HOOK3: variants seen among roughly 807,000 people sequenced by gnomAD.
HOOK3 encodes the protein hook microtubule tethering protein 3, also known as protein Hook homolog 3.
In HOOK3, 24 loss-of-function variants were observed where a neutral mutation model predicts 116.3. The ratio of observed to expected loss-of-function variants is 0.21; its 90% CI spans 0.15 to 0.29. The LOEUF is 0.29. Among genes scored for constraint, HOOK3 ranks in the 10% least tolerant of loss-of-function variants. HOOK3 has a pLI of 1.00. For missense variants in HOOK3, 632 were observed against 830.2 expected, an observed-to-expected ratio of 0.76 and a Z score of 2.93; for synonymous variants, 275 against 283.0, an observed-to-expected ratio of 0.97 and a Z score of 0.28.
chr8:42,994,266 T>C (rs375902241), intron 15 of HOOK3, among the ~76,000 whole-genome samples: 2 of 151,660 alleles, frequency 1.3e-5, no homozygotes, highest in Admixed American at 6.6e-5. Flanking sequence ...TCCACCCACA[T>C]TGGCCTCCCA....
At chr8:42,987,765 G>A (rs764279086) in intron 15 of HOOK3, among the ~76,000 whole-genome samples, 16 of 152,086 alleles carry the variant, frequency 1.1e-4, no homozygotes, top group Non-Finnish European at 1.8e-4. Flanking sequence ...ATATTTTGTT[G>A]TGACTGTCTT....
At chr8:42,915,382 A>C (rs1807510788) in intron 2 of HOOK3, among the ~76,000 whole-genome samples, 1 of 152,126 alleles carries the variant, frequency 6.6e-6, no homozygotes, top group South Asian at 2.1e-4. Context: ...AACAAGACCC[A>C]AAAAACCTGC....
chr8:42,970,919 C>G (rs1808716075), intron 11 of HOOK3, among the ~76,000 whole-genome samples: 1 of 151,302 alleles, frequency 6.6e-6, no homozygotes, highest in African/African-American at 2.4e-5. Context: ...TGCCAAATAG[C>G]TAGGACCACA....
intron 21 of HOOK3, among the ~76,000 whole-genome samples, chr8:43,017,494 AG>A (rs1400044592): frequency 1.3e-5 from 2 of 152,038 alleles, no homozygotes; most frequent in Middle Eastern, 3.2e-3. Flanking sequence ...TTGAGCTTCT[AG>A]CCTCAAGTGA....
chr8:42,986,632 T>C, intron 14 of HOOK3, 23 bp from the exon 15 acceptor site: 1 of 1,588,140 alleles, frequency 6.3e-7, no homozygotes, highest in Non-Finnish European at 8.6e-7. Context: ...ATATAATATT[T>C]AGTTTTTATT....
chr8:43,022,051 AT>A lies in HOOK3; in HGVS notation c.*3557del, dbSNP rs1809839699. On this transcript the variant is annotated 3_prime_UTR_variant, in exon 22 of 22. Transcript: ENST00000307602. ...CATAGGAGAAATTATATTTCTAAAC[AT>A]TTTATGATGTTTAAAAACAAAACAG... The A allele has an allele frequency of 1.1e-5, 2 of 189,050 alleles. No individual in the cohort carries two copies. Among genetic ancestry groups the A allele is most frequent in the Admixed American group, 1.2e-4 (2 of 16,048 alleles). The allele number at this position is 189,050 out of a possible 1,614,324, so 11.7% of individuals were successfully genotyped here.
intron 2 of HOOK3, among the ~76,000 whole-genome samples, chr8:42,923,804 C>A (rs369124990): frequency 6.6e-6 from 1 of 152,064 alleles, no homozygotes; most frequent in Non-Finnish European, 1.5e-5. Flanking sequence ...TAAATTGTGT[C>A]GTGAGTTATT....
At chr8:42,934,117 T>G (rs1807921038) in intron 4 of HOOK3, among the ~76,000 whole-genome samples, 1 of 152,052 alleles carries the variant, frequency 6.6e-6, no homozygotes, top group Admixed American at 6.5e-5. Flanking sequence ...ATCCTCTTTC[T>G]GAACTATTTA....
At chr8:42,917,978 G>T (rs542078166) in intron 2 of HOOK3, among the ~76,000 whole-genome samples, 83 of 152,306 alleles carry the variant, frequency 5.4e-4, no homozygotes, top group Non-Finnish European at 9.7e-4. Context: ...TCATGCCTAA[G>T]AATCAATGTA....
chr8:43,009,057 G>A (rs940873111), intron 18 of HOOK3, among the ~76,000 whole-genome samples: 21 of 152,052 alleles, frequency 1.4e-4, no homozygotes, highest in Non-Finnish European at 1.3e-4. Context: ...GATTGCTTGA[G>A]CCCAGGAGTT....
At chr8:42,922,136 G>A (rs1207861213) in intron 2 of HOOK3, among the ~76,000 whole-genome samples, 3 of 152,200 alleles carry the variant, frequency 2.0e-5, no homozygotes, top group African/African-American at 7.2e-5. Flanking sequence ...GCTAAGTTAT[G>A]TAAAACTTTT....
At chr8:42,996,467 T>G (rs1036015517) in intron 15 of HOOK3, among the ~76,000 whole-genome samples, 1 of 152,062 alleles carries the variant, frequency 6.6e-6, no homozygotes, top group South Asian at 2.1e-4. Flanking sequence ...TTATCTGAGT[T>G]GTTCCAGTTT....
chr8:42,997,890 A>G, intron 16 of HOOK3: 2 of 372,938 alleles, frequency 5.4e-6, no homozygotes, highest in South Asian at 4.9e-5. Context: ...TTGAGGCTTT[A>G]TGTTTTAAAT....
rs1329633371 is a variant in HOOK3, at chr8:43,019,526, T to C, written c.*1028T>C. 4.9e-6 allele frequency: 1 copy of C among 203,806 alleles called. No homozygotes were observed. Among genetic ancestry groups the C allele is most frequent in the Non-Finnish European group, 1.0e-5 (1 of 99,642 alleles). The allele number at this position is 203,806 out of a possible 1,614,324, so 12.6% of individuals were successfully genotyped here. ...TCACTAACATTAGTAACTTCTTGTA[T>C]GTTATATTATGGCAGATCTCTTTAC... is the stretch of plus-strand genomic sequence containing the variant. On this transcript the variant is annotated 3_prime_UTR_variant, in exon 22 of 22. Transcript: ENST00000307602.
chr8:42,919,428 G>A (rs371957168), intron 2 of HOOK3, among the ~76,000 whole-genome samples: 3 of 148,792 alleles, frequency 2.0e-5, no homozygotes, highest in South Asian at 4.3e-4. Flanking sequence ...GACGATGGGC[G>A]GCTGGGCAGA....
intron 16 of HOOK3, among the ~76,000 whole-genome samples, chr8:43,001,388 GAATT>G (rs1483803842): frequency 1.3e-5 from 2 of 151,908 alleles, no homozygotes; most frequent in East Asian, 3.9e-4. Context: ...GGTTTTGACT[GAATT>G]AATTATATAA....
chr8:42,982,812 G>A, intron 14 of HOOK3, 116 bp downstream of exon 14: 1 of 686,080 alleles, frequency 1.5e-6, no homozygotes, highest in Non-Finnish European at 2.5e-6. Flanking sequence ...CTTTCAACAT[G>A]AACTCAGTGT....
At chr8:42,975,626 G>A (rs533520212) in intron 13 of HOOK3, among the ~76,000 whole-genome samples, 44 of 152,314 alleles carry the variant, frequency 2.9e-4, no homozygotes, top group African/African-American at 1.0e-3. Context: ...TCCAGCTATC[G>A]AATTAGATGA....
intron 18 of HOOK3, among the ~76,000 whole-genome samples, chr8:43,008,698 C>T (rs1431235184): frequency 2.1e-5 from 3 of 140,166 alleles, no homozygotes; most frequent in East Asian, 2.1e-4. Flanking sequence ...CTCGCTCTGT[C>T]GCCCAGGCTG....
Sources: allele counts gnomAD v4.1 joint callset (sites outside exome capture counted in the v4.1 genomes callset), GRCh38; gene constraint gnomAD v4.1.1; transcripts MANE v1.5; gene names NCBI Gene and HGNC (gene_info 2026-07-23, HGNC 2026-07-21).